Variants in GRTP1 observed in about 807,000 individuals in gnomAD.
The protein encoded by GRTP1 is growth hormone-regulated TBC protein 1.
Under a neutral mutation model 38.1 loss-of-function variants are expected in GRTP1, and 56 were observed. That is an observed-to-expected ratio of 1.47 (90% CI 1.19 to 1.84). The LOEUF (loss-of-function observed/expected upper bound fraction) is 1.84, where lower values mean the gene tolerates loss of function less well. Ranked by LOEUF, GRTP1 falls within the 40% of genes most tolerant of loss-of-function variation. The probability of loss-of-function intolerance (pLI) is 0.00; values close to 1 mark genes in which losing one functional copy is unlikely to be tolerated. For synonymous variants in GRTP1, 217 were observed against 189.5 expected (o/e 1.14, Z -1.19); for missense variants, 506 against 453.9 (o/e 1.11, Z -1.04).
intron 5 of GRTP1, among the ~76,000 whole-genome samples, chr13:113,335,085 G>A (rs7335193): frequency 0.029 from 2,523 of 87,442 alleles, 77 homozygotes; most frequent in African/African-American, 0.092. Flanking sequence ...GCCTCCCAGA[G>A]TGCTGGGATT....
chr13:113,363,993 G>A (rs755270808), intron 1 of GRTP1, 27 bp downstream of exon 1: 10 of 1,495,052 alleles, frequency 6.7e-6, no homozygotes, highest in South Asian at 6.6e-5. Flanking sequence ...GCAGCCGCCG[G>A]GGACGCCCGC....
At chr13:113,333,838 AGTGTGTGT>A (rs1555314877) in intron 5 of GRTP1, among the ~76,000 whole-genome samples, 1 of 23,544 alleles carries the variant, frequency 4.2e-5, no homozygotes, top group Non-Finnish European at 1.8e-4. Flanking sequence ...TTATTTATTT[AGTGTGTGT>A]GTGTGTGTGT....
chr13:113,346,045 CG>C (rs1566428803), intron 4 of GRTP1, among the ~76,000 whole-genome samples: 18 of 75,622 alleles, frequency 2.4e-4, no homozygotes, highest in Admixed American at 1.5e-3. Context: ...CATCTGTGGC[CG>C]AGAGCAGACC....
chr13:113,339,413 C>G (rs1439483466), intron 5 of GRTP1: 2 of 152,200 alleles, frequency 1.3e-5, no homozygotes, highest in Non-Finnish European at 2.9e-5. Context: ...TGTTCAAGAA[C>G]TTCTCCCCTA....
At chr13:113,336,540 G>T (rs1415082074) in intron 5 of GRTP1, among the ~76,000 whole-genome samples, 1 of 152,024 alleles carries the variant, frequency 6.6e-6, no homozygotes, top group East Asian at 1.9e-4. Flanking sequence ...GGGGGGCTCT[G>T]GCCGTGGTTG....
At chr13:113,331,909 G>C (rs141029597) in intron 5 of GRTP1, among the ~76,000 whole-genome samples, 4,981 of 150,208 alleles carry the variant, frequency 0.033, 269 homozygotes, top group African/African-American at 0.12. Flanking sequence ...CACCCACCTC[G>C]GCCTCCCAAA....
chr13:113,354,716 C>T (rs1472547093), intron 3 of GRTP1, among the ~76,000 whole-genome samples: 1 of 151,988 alleles, frequency 6.6e-6, no homozygotes, highest in Admixed American at 6.6e-5. Flanking sequence ...TAGTAGAGAC[C>T]GGGTTTCACC....
At chr13:113,335,050 C>G (rs1311974284) in intron 5 of GRTP1, among the ~76,000 whole-genome samples, 2 of 151,910 alleles carry the variant, frequency 1.3e-5, no homozygotes, top group African/African-American at 2.4e-5. Flanking sequence ...TCTCGATCTC[C>G]TGACCTCGCG....
At chr13:113,340,463 A>C in intron 5 of GRTP1, among the ~76,000 whole-genome samples, 1 of 151,870 alleles carries the variant, frequency 6.6e-6, no homozygotes. Context: ...TGGGTGACAG[A>C]CTGAGACCCT....
chr13:113,325,822 A>G lies in GRTP1; in HGVS notation c.760T>C (p.Leu254=), dbSNP rs1279215664. 1 of 1,614,026 alleles carries G rather than the reference A, an allele frequency of 6.2e-7. No individual in the cohort carries two copies. The highest frequency in any genetic ancestry group is 1.1e-5 in the South Asian group (1 of 91,076). ...VETVLRIWDC[L]FNEGSKIIFR... ...ATAATCTTCGAGCCTTCGTTAAACA[A>G]ACAGTCCCAGATCCGAAGCACTGTC... The change falls in exon 7 of 8, where the codon TTG becomes CTG. Residue 254 remains leucine (L), a synonymous_variant. Coordinates refer to ENST00000375431, the MANE Select transcript of GRTP1 (RefSeq NM_024719.4).
chr13:113,352,358 T>TTGTATATATATATATA (rs1566438042), intron 3 of GRTP1, among the ~76,000 whole-genome samples: 1 of 19,052 alleles, frequency 5.2e-5, no homozygotes, highest in Non-Finnish European at 9.5e-5. Flanking sequence ...TTTATATATA[T>TTGTATATATATATATA]TTTATATATA....
rs1422267577 is a variant in GRTP1 at position 113,342,140 on chromosome 13, G to T, written c.562+2723C>A. On this transcript the variant is annotated intron_variant, in intron 5 of 7. Coordinates refer to ENST00000375431, the MANE Select transcript of GRTP1 (RefSeq NM_024719.4). This position sits in a 1 kb window ranked among gnomAD's most constrained non-coding sequence, Gnocchi z 4.5. ...GTATTTTTAGTGGAGGTGGGGTTTT[G>T]CCATGTTGGCCAGGCTGGTCTTGAA... Among the ~76,000 whole-genome samples the T allele has an allele frequency of 6.6e-6, 1 of 151,882 alleles. No individual in the cohort carries two copies. The highest frequency in any genetic ancestry group is 1.5e-5 in the Non-Finnish European group (1 of 67,948).
rs962492132 is a variant in GRTP1 at position 113,349,199 on chromosome 13, G to T, written c.465+1650C>A. ...GGTGTTTTTTTTTGTTTGTTTCTCG[G>T]TTTTTTTCAGACAGGGTCTTGCTCT... On this transcript the variant is annotated intron_variant, in intron 4 of 7. Transcript: ENST00000375431. This position sits in a 1 kb window ranked among gnomAD's most constrained non-coding sequence, Gnocchi z 5.0. Among the ~76,000 whole-genome samples, 2 of 151,326 alleles carry T rather than the reference G, an allele frequency of 1.3e-5. No homozygotes were observed. Among genetic ancestry groups the T allele is most frequent in the Admixed American group, 6.6e-5 (1 of 15,176 alleles).
In GRTP1 at chr13:113,364,070, AC is replaced by A; in HGVS notation, c.-20del. 7.9e-7 allele frequency: 1 copy of A among 1,259,142 alleles called. No homozygotes were observed. The highest frequency in any genetic ancestry group is 3.2e-5 in the East Asian group (1 of 31,404). 78.0% of individuals were successfully genotyped at this position (1,259,142 alleles called of 1,614,324 possible). Reference sequence around the variant, plus strand: ...GCTGCATGCGGGGAGGGAGGCGCGCACCGAGCGAGGCCAGCGGGTCCCAAGT... The same window carrying A: ...GCTGCATGCGGGGAGGGAGGCGCGCACGAGCGAGGCCAGCGGGTCCCAAGT... On this transcript the variant is annotated 5_prime_UTR_variant, in exon 1 of 8. Transcript: ENST00000375431.
rs979462948 is a variant in GRTP1 at position 113,348,640 on chromosome 13, G to A, written c.465+2209C>T. On this transcript the variant is annotated intron_variant, in intron 4 of 7. Transcript: ENST00000375431. This position sits in a 1 kb window ranked among gnomAD's most constrained non-coding sequence, Gnocchi z 4.8. ...TCCAAGCCTGGTGTCCTTGTCTTACGTGGAGCTTTAGACACAGGCATGCAC... is the reference window on the plus strand; with the variant it reads ...TCCAAGCCTGGTGTCCTTGTCTTACATGGAGCTTTAGACACAGGCATGCAC... Among the ~76,000 whole-genome samples the A allele has an allele frequency of 4.6e-5, 7 of 152,112 alleles. No homozygotes were observed. Among genetic ancestry groups the A allele is most frequent in the Admixed American group, 1.3e-4 (2 of 15,272 alleles).
intron 1 of GRTP1, 54 bp downstream of exon 1, chr13:113,363,966 G>A: frequency 1.3e-6 from 2 of 1,558,712 alleles, no homozygotes; most frequent in Non-Finnish European, 1.7e-6. Flanking sequence ...GGGGGGTCGC[G>A]GGCCCGCGCG....
chr13:113,360,168 C>T (rs943053684), intron 2 of GRTP1: 1 of 152,072 alleles, frequency 6.6e-6, no homozygotes, highest in African/African-American at 2.4e-5. Flanking sequence ...TCCCTGCAGA[C>T]GTCTATTCTC....
At chr13:113,333,892 T>C (rs1220163363) in intron 5 of GRTP1, among the ~76,000 whole-genome samples, 5 of 145,124 alleles carry the variant, frequency 3.4e-5, no homozygotes, top group Non-Finnish European at 7.5e-5. Flanking sequence ...TGGAGTGCAG[T>C]AGCGCGATCT....
At position 113,342,101 on chromosome 13, in the gene GRTP1, C is replaced by G. The variant is rs1231394613; in HGVS notation, c.562+2762G>C. On this transcript the variant is annotated intron_variant, in intron 5 of 7. Transcript: ENST00000375431. The surrounding 1 kb of genome is among the most constrained non-coding windows in gnomAD (Gnocchi z 4.5). ...GGGATTACAGGCATCTGCCACCACA[C>G]CTGTCTAATTTTTGTATTTTTAGTG... Among the ~76,000 whole-genome samples the G allele has an allele frequency of 6.6e-6, 1 of 152,094 alleles. No homozygotes were observed. The highest frequency in any genetic ancestry group is 1.5e-5 in the Non-Finnish European group (1 of 68,020).
Sources: gnomAD v4.1 joint callset for allele counts (sites outside exome capture counted in the v4.1 genomes callset) on GRCh38, gnomAD v4.1.1 for gene constraint, Gnocchi (gnomAD v3.1) non-coding constraint, MANE v1.5 for transcripts, NCBI Gene and HGNC (gene_info 2026-07-23, HGNC 2026-07-21) for gene names.